CCDC7: variants seen among roughly 807,000 people sequenced by gnomAD.
CCDC7 encodes the protein coiled-coil domain containing 7, also known as coiled-coil domain-containing protein 7.
Under a neutral mutation model 196.9 loss-of-function variants are expected in CCDC7, and 183 were observed. The observed-to-expected ratio is 0.93, with a 90% CI of 0.82 to 1.05. The LOEUF (loss-of-function observed/expected upper bound fraction) is 1.05. Ranked by LOEUF, CCDC7 falls within the 50% of genes least tolerant of loss-of-function variation. The pLI is 0.00. For synonymous variants in CCDC7, 525 were observed against 484.6 expected, an observed-to-expected ratio of 1.08 and a Z score of -1.10; for missense variants, 1,540 against 1,482.2, an observed-to-expected ratio of 1.04 and a Z score of -0.64.
chr10:32,691,004 A>T (rs1249562735), intron 23 of CCDC7, among the ~76,000 whole-genome samples: 3 of 152,304 alleles, frequency 2.0e-5, no homozygotes, highest in Admixed American at 6.5e-5. Flanking sequence ...GGTTGTGGGG[A>T]TCACAGCCAC....
intron 41 of CCDC7, among the ~76,000 whole-genome samples, chr10:32,872,866 C>G (rs2094477620): frequency 6.6e-6 from 1 of 152,004 alleles, no homozygotes; most frequent in Admixed American, 6.6e-5. Context: ...GAATATTGGC[C>G]CCCACTCTCT....
intron 33 of CCDC7, among the ~76,000 whole-genome samples, chr10:32,841,075 C>T (rs564543798): frequency 2.6e-5 from 4 of 152,070 alleles, no homozygotes; most frequent in Non-Finnish European, 5.9e-5. Flanking sequence ...AGCATTCCCC[C>T]TGAAAACTGG....
Position 32,574,451 on chromosome 10 carries a change from A to G in CCDC7, c.1454+2558A>G, listed in dbSNP as rs142419575. ...TAGATGCTAATAGAGTTTCTGAAAT[A>G]CTTTGGAAAAGTCTCCCAAACCTTC... On this transcript the variant is annotated intron_variant, in intron 16 of 41. Coordinates refer to ENST00000639629, the Ensembl canonical transcript of CCDC7. The G allele has an allele frequency of 4.4e-6, 7 of 1,593,930 alleles. No homozygotes were observed. The Admixed American group carries it at 8.7e-5, about 20-fold the overall frequency.
chr10:32,549,669 G>A (rs953277538), intron 13 of CCDC7, among the ~76,000 whole-genome samples: 1 of 152,206 alleles, frequency 6.6e-6, no homozygotes, highest in African/African-American at 2.4e-5. Context: ...GTTGAATAGG[G>A]TGTCCTTTCC....
intron 29 of CCDC7, among the ~76,000 whole-genome samples, chr10:32,796,297 G>T (rs2083544191): frequency 6.6e-6 from 1 of 152,024 alleles, no homozygotes; most frequent in Non-Finnish European, 1.5e-5. Flanking sequence ...AAGCCAGATT[G>T]CTTCTATGCC....
chr10:32,882,127 C>T (rs991270501), downstream of CCDC7, among the ~76,000 whole-genome samples: 1 of 152,090 alleles, frequency 6.6e-6, no homozygotes, highest in Admixed American at 6.5e-5. Flanking sequence ...TTATTAAAGA[C>T]CATTGCAATA....
At chr10:32,846,022 A>G (rs2093276446) in intron 36 of CCDC7, 63 bp downstream of exon 37, 1 of 1,206,168 alleles carries the variant, frequency 8.3e-7, no homozygotes, top group Non-Finnish European at 1.2e-6. Context: ...AGTTAAATTG[A>G]AGTATAGACC....
chr10:32,642,196 A>G (rs927891631), intron 20 of CCDC7, among the ~76,000 whole-genome samples: 19 of 152,204 alleles, frequency 1.2e-4, no homozygotes, highest in Non-Finnish European at 2.1e-4. Flanking sequence ...GGGACATTTA[A>G]GTCTGCAGAG....
At chr10:32,876,470 G>A (rs1447903384), downstream of CCDC7, 1 of 1,396,100 alleles carries the variant, frequency 7.2e-7, no homozygotes, top group East Asian at 2.3e-5. Context: ...AAGTATAGAA[G>A]CCTTTTGAAA....
At chr10:32,742,306 A>G (rs117576372) in intron 28 of CCDC7, among the ~76,000 whole-genome samples, 2,175 of 152,222 alleles carry the variant, frequency 0.014, 26 homozygotes, top group Non-Finnish European at 0.022. Flanking sequence ...CCAGAGTAAA[A>G]CATTTGTTAT....
chr10:32,511,682 G>A (rs941794338), intron 9 of CCDC7: 35 of 1,579,426 alleles, frequency 2.2e-5, no homozygotes, highest in Non-Finnish European at 2.7e-5. Context: ...ATTCTCAAAC[G>A]CTGACAAATA....
chr10:32,469,317 A>G (rs1476785607), intron 5 of CCDC7, among the ~76,000 whole-genome samples: 2 of 152,224 alleles, frequency 1.3e-5, no homozygotes, highest in African/African-American at 4.8e-5. Context: ...GGAGTAGAAG[A>G]TAGAGGGAAC....
At chr10:32,523,757 G>C (rs72795531) in intron 11 of CCDC7, among the ~76,000 whole-genome samples, 6 of 151,618 alleles carry the variant, frequency 4.0e-5, no homozygotes, top group Non-Finnish European at 8.8e-5. Context: ...TACAGTTTTT[G>C]TGTTGAAATC....
At chr10:32,656,506 C>T (rs2069902961) in intron 20 of CCDC7, among the ~76,000 whole-genome samples, 2 of 152,322 alleles carry the variant, frequency 1.3e-5, no homozygotes, top group Admixed American at 1.3e-4. Flanking sequence ...CTTCACAAGG[C>T]AGCAGGAGAG....
At chr10:32,605,313 C>G (rs553471839) in intron 18 of CCDC7, among the ~76,000 whole-genome samples, 11 of 152,184 alleles carry the variant, frequency 7.2e-5, no homozygotes, top group African/African-American at 2.4e-4. Context: ...TTTCTTTATA[C>G]CAAGACAGGA....
chr10:32,702,643 G>T (rs907896512), intron 24 of CCDC7, among the ~76,000 whole-genome samples: 3 of 152,238 alleles, frequency 2.0e-5, no homozygotes, highest in Admixed American at 1.3e-4. Flanking sequence ...CATTATTATT[G>T]TGTGGGAGTC....
chr10:32,672,203 G>A (rs1322361796), intron 21 of CCDC7, among the ~76,000 whole-genome samples: 1 of 152,150 alleles, frequency 6.6e-6, no homozygotes. Context: ...ACAGAATCAA[G>A]GTGCAGATTC....
intron 28 of CCDC7, among the ~76,000 whole-genome samples, chr10:32,746,967 T>G (rs1408187006): frequency 1.3e-5 from 2 of 152,188 alleles, no homozygotes; most frequent in Non-Finnish European, 2.9e-5. Flanking sequence ...ATGTGCAGAA[T>G]CCACAGTGCT....
chr10:32,770,481 T>G (rs775494824), intron 28 of CCDC7, among the ~76,000 whole-genome samples: 35 of 152,192 alleles, frequency 2.3e-4, no homozygotes, highest in Non-Finnish European at 4.3e-4. Flanking sequence ...GAGAAGACAC[T>G]TGATAAGATT....
Sources: gnomAD v4.1 joint callset for allele counts (sites outside exome capture counted in the v4.1 genomes callset) on GRCh38, gnomAD v4.1.1 for gene constraint, MANE v1.5 for transcripts, NCBI Gene and HGNC (gene_info 2026-07-23, HGNC 2026-07-21) for gene names.